GAPVD1: variants seen among roughly 807,000 people sequenced by gnomAD.
The protein encoded by GAPVD1 is GTPase-activating protein and VPS9 domain-containing protein 1.
A neutral mutation model predicts 155.5 loss-of-function variants in GAPVD1; 35 were observed. The observed-to-expected ratio is 0.23, with a 90% CI of 0.17 to 0.30. The LOEUF (loss-of-function observed/expected upper bound fraction) is 0.30. GAPVD1 is among the 10% of genes least tolerant of loss of function. The pLI is 1.00. For missense variants in GAPVD1, 1,429 were observed against 1,775.7 expected (o/e 0.80, Z 3.51); for synonymous variants, 636 against 619.7 (o/e 1.03, Z -0.39).
Position 125,321,489 on chromosome 9 carries a change from C to G in GAPVD1, c.1659C>G (p.Asn553Lys). 1 of 1,612,672 alleles carries G rather than the reference C, an allele frequency of 6.2e-7. No individual in the cohort carries two copies. Among genetic ancestry groups the G allele is most frequent in the Non-Finnish European group, 8.5e-7 (1 of 1,178,684 alleles). Residue 553 changes from asparagine (N) to lysine (K), a missense_variant, in exon 10 of 28, where the codon AAC becomes AAG. Asn to Lys is a moderately conservative substitution (Grantham distance 94). This residue lies in a region of GAPVD1 where 628 missense variants were observed against 733.4 expected (regional missense o/e 0.86). Coordinates refer to ENST00000297933, the MANE Select transcript of GAPVD1 (RefSeq NM_001282680.3). ...AAGGAGATGTCCCTGTTGATGAAAA[C>G]AAACTCCATGGTAAACCTGATAAAA... Reference protein sequence around the residue: ...GGQGDVPVDENKLHGKPDKTL... With the variant: ...GGQGDVPVDEKKLHGKPDKTL...
chr9:125,349,145 T>C (rs1356502347), intron 20 of GAPVD1, among the ~76,000 whole-genome samples: 1 of 152,268 alleles, frequency 6.6e-6, no homozygotes, highest in Non-Finnish European at 1.5e-5. Flanking sequence ...GTTCATTGTT[T>C]TGCATTAGTA....
At chr9:125,294,501 C>T (rs1179837969) in intron 2 of GAPVD1, among the ~76,000 whole-genome samples, 1 of 151,670 alleles carries the variant, frequency 6.6e-6, no homozygotes, top group African/African-American at 2.4e-5. Context: ...CGCGTGTCAC[C>T]ATGCCCGGCT....
In GAPVD1 at chr9:125,326,492, G is replaced by A; in HGVS notation, c.1935G>A (p.Arg645=). The A allele has an allele frequency of 6.2e-7, 1 of 1,607,110 alleles. No individual in the cohort carries two copies. The highest frequency in any genetic ancestry group is 8.5e-7 in the Non-Finnish European group (1 of 1,173,630). Residue 645 remains arginine, a synonymous_variant, in exon 12 of 28, where the codon AGG becomes AGA. Transcript: ENST00000297933. ...ACATGATGGGATTAACAGATGATAG[G>A]GACATATCAGAAACAGTGAGTGAGA... is the stretch of plus-strand genomic sequence containing the variant. ...IRDMMGLTDD[R]DISETVSETW...
Position 125,302,731 on chromosome 9 carries a change from G to A in GAPVD1, c.934G>A (p.Ala312Thr). The change falls in exon 5 of 28, where the codon GCC becomes ACC. Residue 312 changes from alanine (A) to threonine (T), a missense_variant. Coordinates refer to ENST00000297933, the MANE Select transcript of GAPVD1 (RefSeq NM_001282680.3). Reference protein sequence around the residue: ...VRAMCTDLLLACFICPAVVNP... With the variant: ...VRAMCTDLLLTCFICPAVVNP... ...GGCAATGTGTACTGATCTCCTGTTGGCCTGCTTCATTTGTCCTGCAGTTGT... is the reference window on the plus strand; with the variant it reads ...GGCAATGTGTACTGATCTCCTGTTGACCTGCTTCATTTGTCCTGCAGTTGT... 1 of 1,614,100 alleles carries A rather than the reference G, an allele frequency of 6.2e-7. No homozygotes were observed. The highest frequency in any genetic ancestry group is 2.2e-5 in the East Asian group (1 of 44,874).
At chr9:125,339,328 C>A (rs1406335613) in intron 17 of GAPVD1, among the ~76,000 whole-genome samples, 7 of 152,128 alleles carry the variant, frequency 4.6e-5, no homozygotes, top group Non-Finnish European at 7.3e-5. Flanking sequence ...GTCACTATTA[C>A]TTATTTTGAA....
At chr9:125,294,039 A>C (rs1839423601) in intron 2 of GAPVD1, among the ~76,000 whole-genome samples, 1 of 150,260 alleles carries the variant, frequency 6.7e-6, no homozygotes, top group Non-Finnish European at 1.5e-5. Context: ...TAGCCTCCCT[A>C]GTAGCTGGGA....
chr9:125,303,729 T>C (rs931472429), intron 5 of GAPVD1, among the ~76,000 whole-genome samples: 7 of 150,284 alleles, frequency 4.7e-5, no homozygotes, highest in Non-Finnish European at 1.0e-4. Context: ...TGAGCTGAGA[T>C]TGCACCGTTG....
intron 2 of GAPVD1, among the ~76,000 whole-genome samples, chr9:125,272,071 T>C (rs547130118): frequency 4.5e-4 from 68 of 152,240 alleles, no homozygotes; most frequent in African/African-American, 1.5e-3. Context: ...TCTCCCAGGC[T>C]GAAGTGCAGT....
At chr9:125,269,211 AT>A (rs746493345) in intron 2 of GAPVD1, among the ~76,000 whole-genome samples, 8 of 151,954 alleles carry the variant, frequency 5.3e-5, no homozygotes, top group Non-Finnish European at 1.2e-4. Context: ...ATACAGGAGC[AT>A]GCTACTTTGC....
rs185595823 is a variant in GAPVD1, at chr9:125,350,423, G to A, written c.3409+19G>A. On this transcript the variant is annotated intron_variant, in intron 22 of 27. Transcript: ENST00000297933. ...CCAGAAGGTAAATTGCTGCAGGATC[G>A]TTTAATTTTTCCTATGTTTATGGGT... is the stretch of plus-strand genomic sequence containing the variant. 7.7e-4 allele frequency: 1,145 copies of A among 1,483,950 alleles called. 4 individuals are homozygous for A. The highest frequency in any genetic ancestry group is 1.4e-3 in the Middle Eastern group (8 of 5,838). The allele number at this position is 1,483,950 out of a possible 1,614,324, so 91.9% of individuals were successfully genotyped here.
intron 4 of GAPVD1, 26 bp downstream of exon 4, chr9:125,299,132 A>C: frequency 7.4e-7 from 1 of 1,344,174 alleles, no homozygotes; most frequent in Admixed American, 2.2e-5. Context: ...TCAGGTTTTA[A>C]GTTTTGTGAA....
chr9:125,320,103 C>T (rs888672647), intron 9 of GAPVD1, among the ~76,000 whole-genome samples: 3 of 152,054 alleles, frequency 2.0e-5, no homozygotes, highest in Non-Finnish European at 4.4e-5. Flanking sequence ...GCTAAATAAC[C>T]TGTATCGCCT....
intron 5 of GAPVD1, among the ~76,000 whole-genome samples, chr9:125,303,727 G>C (rs1841323992): frequency 6.8e-6 from 1 of 146,542 alleles, no homozygotes; most frequent in African/African-American, 2.6e-5. Flanking sequence ...GATGAGCTGA[G>C]ATTGCACCGT....
intron 2 of GAPVD1, among the ~76,000 whole-genome samples, chr9:125,290,130 G>T (rs921345181): frequency 2.0e-4 from 31 of 152,144 alleles, no homozygotes; most frequent in African/African-American, 7.5e-4. Context: ...CAAAACTGAT[G>T]AGTGCGGGTT....
intron 27 of GAPVD1, 87 bp downstream of exon 27, chr9:125,360,812 C>T: frequency 1.0e-6 from 1 of 972,960 alleles, no homozygotes; most frequent in Non-Finnish European, 1.6e-6. Context: ...GATATCTTGG[C>T]TCTTTTCCAA....
intron 12 of GAPVD1, among the ~76,000 whole-genome samples, chr9:125,327,863 C>CCAT (rs1220242013): frequency 6.6e-6 from 1 of 152,092 alleles, no homozygotes; most frequent in Non-Finnish European, 1.5e-5. Context: ...CCCAGTGTAC[C>CCAT]CATCACTCAG....
At chr9:125,352,223 G>A (rs951138135) in intron 23 of GAPVD1, among the ~76,000 whole-genome samples, 1 of 152,216 alleles carries the variant, frequency 6.6e-6, no homozygotes, top group African/African-American at 2.4e-5. Flanking sequence ...GCTCTACTAG[G>A]CAGTGCCCCA....
chr9:125,352,523 G>T (rs1849452597), intron 23 of GAPVD1, among the ~76,000 whole-genome samples: 1 of 152,224 alleles, frequency 6.6e-6, no homozygotes. Context: ...CGGCCGGAGG[G>T]CAGGGCACCA....
chr9:125,326,618 T>C (rs2131639333), intron 12 of GAPVD1, 29 bp downstream of exon 12: 13 of 1,537,662 alleles, frequency 8.5e-6, no homozygotes, highest in Non-Finnish European at 1.1e-5. Flanking sequence ...CTCTGAAATA[T>C]CACGGTTTAG....
Sources: allele counts gnomAD v4.1 joint callset (sites outside exome capture counted in the v4.1 genomes callset), GRCh38; gene constraint gnomAD v4.1.1; regional missense constraint gnomAD v4.1.1; transcripts MANE v1.5; gene names NCBI Gene and HGNC (gene_info 2026-07-23, HGNC 2026-07-21).